The following SLC24A3 variants were observed in gnomAD, a reference collection of about 807,000 sequenced individuals.
SLC24A3 encodes sodium/potassium/calcium exchanger 3.
A neutral mutation model predicts 75.8 loss-of-function variants in SLC24A3; 28 were observed. That is an observed-to-expected ratio of 0.37 (90% confidence interval 0.27 to 0.51). The LOEUF (loss-of-function observed/expected upper bound fraction) is 0.51. SLC24A3 is among the 20% of genes least tolerant of loss of function. SLC24A3 has a pLI of 0.94. For missense variants in SLC24A3, 663 were observed against 847.8 expected, an observed-to-expected ratio of 0.78 and a Z score of 2.71; for synonymous variants, 372 against 334.1, an observed-to-expected ratio of 1.11 and a Z score of -1.24.
At chr20:19,401,870 G>A (rs1986557510) in intron 2 of SLC24A3, among the ~76,000 whole-genome samples, 1 of 152,172 alleles carries the variant, frequency 6.6e-6, no homozygotes, top group Admixed American at 6.5e-5. Flanking sequence ...TTCACTCGTG[G>A]GATTGAGCTC....
chr20:19,243,279 T>C (rs568461458), intron 1 of SLC24A3, among the ~76,000 whole-genome samples: 45 of 152,272 alleles, frequency 3.0e-4, no homozygotes, highest in Non-Finnish European at 6.3e-4. Flanking sequence ...GTGACCAGAA[T>C]AAAATAGCTC....
intron 2 of SLC24A3, among the ~76,000 whole-genome samples, chr20:19,325,795 T>TATAGAGAGAGAGAG (rs1251419875): frequency 1.5e-5 from 1 of 67,782 alleles, no homozygotes; most frequent in East Asian, 6.3e-4. Flanking sequence ...TATATATATA[T>TATAGAGAGAGAGAG]AGAGAGAGAG....
intron 8 of SLC24A3, among the ~76,000 whole-genome samples, chr20:19,667,706 T>G (rs970978385): frequency 1.3e-5 from 2 of 152,184 alleles, no homozygotes; most frequent in African/African-American, 4.8e-5. Context: ...ATGAAAGCCA[T>G]GGCAAGTGAA....
At chr20:19,320,771 G>A (rs1044549351) in intron 2 of SLC24A3, among the ~76,000 whole-genome samples, 3 of 152,030 alleles carry the variant, frequency 2.0e-5, no homozygotes, top group African/African-American at 7.3e-5. Context: ...CAATGTAAAT[G>A]CTATGTAAGT....
chr20:19,255,322 G>C (rs1982782660), intron 1 of SLC24A3, among the ~76,000 whole-genome samples: 1 of 152,254 alleles, frequency 6.6e-6, no homozygotes, highest in Non-Finnish European at 1.5e-5. Context: ...ATAGGATGGA[G>C]AGGTGCTCTC....
chr20:19,324,498 C>T (rs181548375), intron 2 of SLC24A3, among the ~76,000 whole-genome samples: 1 of 152,312 alleles, frequency 6.6e-6, no homozygotes, highest in East Asian at 1.9e-4. Flanking sequence ...CAGGTTGGCA[C>T]TAAGTGGTGT....
At chr20:19,324,760 A>G (rs1300818077) in intron 2 of SLC24A3, among the ~76,000 whole-genome samples, 2 of 152,366 alleles carry the variant, frequency 1.3e-5, no homozygotes, top group East Asian at 3.9e-4. Context: ...AGAGTTTAAC[A>G]CAATCTGAGA....
At chr20:19,401,536 T>C (rs1443439586) in intron 2 of SLC24A3, among the ~76,000 whole-genome samples, 2 of 112,310 alleles carry the variant, frequency 1.8e-5, no homozygotes, top group African/African-American at 6.4e-5. Context: ...ATGAGAATAC[T>C]GAACAAGGAA....
chr20:19,615,577 T>G (rs548383323), intron 6 of SLC24A3, among the ~76,000 whole-genome samples: 2 of 152,158 alleles, frequency 1.3e-5, no homozygotes, highest in South Asian at 4.2e-4. Flanking sequence ...CTCTAAAAAA[T>G]TCACTCACTA....
intron 3 of SLC24A3, among the ~76,000 whole-genome samples, chr20:19,567,318 A>G (rs1014452502): frequency 1.1e-4 from 17 of 152,212 alleles, no homozygotes; most frequent in African/African-American, 4.1e-4. Context: ...TGTGGTACAT[A>G]TACACGATGG....
rs181964215 is a variant in SLC24A3 at position 19,666,909 on chromosome 20, G to A, written c.713+1020G>A. Among the ~76,000 whole-genome samples the A allele has an allele frequency of 9.8e-5, 15 of 152,290 alleles. No homozygotes were observed. The East Asian group carries it at 1.4e-3, about 14-fold the overall frequency. On this transcript the variant is annotated intron_variant, in intron 8 of 16. Transcript: ENST00000328041. The stretch of plus-strand genomic sequence containing the variant: ...CATGTTTGAAATGGAAATGGAAATC[G>A]AGTGTATTGTGCATTCTCGTTACAT...
intron 6 of SLC24A3, among the ~76,000 whole-genome samples, chr20:19,638,913 G>A (rs1185924632): frequency 6.6e-6 from 1 of 152,122 alleles, no homozygotes; most frequent in African/African-American, 2.4e-5. Context: ...GAGTATTACA[G>A]CTCATAAAAG....
At chr20:19,420,471 C>A (rs1238141591) in intron 2 of SLC24A3, among the ~76,000 whole-genome samples, 2 of 146,658 alleles carry the variant, frequency 1.4e-5, no homozygotes, top group African/African-American at 5.1e-5. Context: ...CCTATTTCTC[C>A]ACATCCTCTC....
At chr20:19,639,653 C>A (rs1253683681) in intron 6 of SLC24A3, among the ~76,000 whole-genome samples, 1 of 152,194 alleles carries the variant, frequency 6.6e-6, no homozygotes, top group African/African-American at 2.4e-5. Context: ...CTTGGGTGGT[C>A]GATGGGACTG....
At chr20:19,314,801 C>T (rs1356730579) in intron 2 of SLC24A3, among the ~76,000 whole-genome samples, 1 of 152,222 alleles carries the variant, frequency 6.6e-6, no homozygotes, top group East Asian at 1.9e-4. Flanking sequence ...CATAACACAC[C>T]TTAGTGGTTA....
intron 2 of SLC24A3, among the ~76,000 whole-genome samples, chr20:19,316,515 A>G (rs1984591770): frequency 6.6e-6 from 1 of 152,200 alleles, no homozygotes; most frequent in Non-Finnish European, 1.5e-5. Context: ...TGGCTCATAA[A>G]TCAGTCAAAT....
At chr20:19,418,855 A>C (rs543161012) in intron 2 of SLC24A3, among the ~76,000 whole-genome samples, 2 of 152,156 alleles carry the variant, frequency 1.3e-5, no homozygotes, top group African/African-American at 4.8e-5. Flanking sequence ...AGTGGGACTC[A>C]GGAGCCAATT....
rs143839037 is a variant in SLC24A3, at chr20:19,540,658, G to A, written c.348+25094G>A. Among the ~76,000 whole-genome samples the A allele has an allele frequency of 7.1e-3, 1,088 of 152,322 alleles. 14 individuals carry two copies. Among genetic ancestry groups the A allele is most frequent in the African/African-American group, 0.025 (1,055 of 41,562 alleles). Reference sequence around the variant, plus strand: ...GTGGTTAGTACTGCATGAAGCCCAGGGGAGGCCCATTTCCTGGCATTCTGC... The same window carrying A: ...GTGGTTAGTACTGCATGAAGCCCAGAGGAGGCCCATTTCCTGGCATTCTGC... On this transcript the variant is annotated intron_variant, in intron 3 of 16. Transcript: ENST00000328041.
At chr20:19,592,709 A>G (rs1340243426) in intron 6 of SLC24A3, among the ~76,000 whole-genome samples, 5 of 152,074 alleles carry the variant, frequency 3.3e-5, no homozygotes, top group African/African-American at 1.2e-4. Context: ...ACTCACTTCC[A>G]AGGAGCACCA....
Sources: allele counts gnomAD v4.1 joint callset (sites outside exome capture counted in the v4.1 genomes callset), GRCh38; gene constraint gnomAD v4.1.1; transcripts MANE v1.5; gene names NCBI Gene and HGNC (gene_info 2026-07-23, HGNC 2026-07-21).